DMD: variants seen among roughly 807,000 people sequenced by gnomAD.
DMD encodes the protein mutant dystrophin.
A neutral mutation model predicts 330.1 loss-of-function variants in DMD; 63 were observed. The ratio of observed to expected loss-of-function variants is 0.19; its 90% CI spans 0.16 to 0.24. The LOEUF (loss-of-function observed/expected upper bound fraction) is 0.24, where lower values mean the gene tolerates loss of function less well. DMD is among the 10% of genes least tolerant of loss of function. The pLI is 1.00. For synonymous variants in DMD, 1,223 were observed against 959.8 expected, an observed-to-expected ratio of 1.27 and a Z score of -5.07; for missense variants, 3,344 against 2,684.1, an observed-to-expected ratio of 1.25 and a Z score of -5.43.
intron 47 of DMD, among the ~76,000 whole-genome samples, chrX:31,905,604 A>C (rs2094468698): frequency 9.0e-6 from 1 of 110,740 alleles, no homozygotes; most frequent in African/African-American, 3.3e-5. Context: ...GAGAACAGAA[A>C]TTAAAAAAAA....
intron 1 of DMD, among the ~76,000 whole-genome samples, chrX:33,102,856 GA>G (rs1173741570): frequency 2.7e-5 from 3 of 112,188 alleles, no homozygotes; most frequent in Admixed American, 9.5e-5. Context: ...TCATTGGCAA[GA>G]AAAACTTACT....
rs202188032 is a variant in DMD at position 32,436,470 on chromosome X, T to C, written c.4071+1771A>G. Among the ~76,000 whole-genome samples, 5 of 111,710 alleles carry C rather than the reference T, an allele frequency of 4.5e-5. No individual in the cohort carries two copies. In the East Asian group the frequency reaches 1.4e-3, roughly 32 times the overall value. ...AGATAATACGTGTTGAATCAGGGTA[T>C]GTTGCTGAAATGAATTATTTTTTCT... is the stretch of plus-strand genomic sequence containing the variant. On this transcript the variant is annotated intron_variant, in intron 29 of 78. Coordinates refer to ENST00000357033, the MANE Select transcript of DMD (RefSeq NM_004006.3).
At chrX:32,487,089 G>A (rs1441800874) in intron 20 of DMD, among the ~76,000 whole-genome samples, 15 of 110,679 alleles carry the variant, frequency 1.4e-4, no homozygotes, top group Admixed American at 1.3e-3. Context: ...GAAAATTTTT[G>A]CAACCTACTC....
chrX:31,234,786 C>T (rs191944564), intron 63 of DMD, among the ~76,000 whole-genome samples: 28 of 111,762 alleles, frequency 2.5e-4, no homozygotes, highest in African/African-American at 7.8e-4. Flanking sequence ...AGATTTTATT[C>T]AGGAATATTG....
chrX:31,397,383 C>T (rs1279313951), intron 60 of DMD, among the ~76,000 whole-genome samples: 1 of 112,148 alleles, frequency 8.9e-6, no homozygotes, highest in African/African-American at 3.2e-5. Flanking sequence ...GACAACACAA[C>T]TGTCAGAGGA....
At chrX:32,613,935 A>G (rs1197737900) in intron 12 of DMD, among the ~76,000 whole-genome samples, 1 of 110,816 alleles carries the variant, frequency 9.0e-6, no homozygotes, top group Non-Finnish European at 1.9e-5. Flanking sequence ...AGATGTTAGC[A>G]TCTGGTGAGG....
intron 1 of DMD, among the ~76,000 whole-genome samples, chrX:33,235,925 T>A (rs183021198): frequency 0.041 from 4,293 of 104,990 alleles, 277 homozygotes; most frequent in African/African-American, 0.14. Flanking sequence ...TATTTTTTTT[T>A]TTTTTTATGA....
At chrX:31,848,285 C>G (rs757642338) in intron 48 of DMD, among the ~76,000 whole-genome samples, 28 of 111,554 alleles carry the variant, frequency 2.5e-4, no homozygotes, top group Admixed American at 2.5e-3. Context: ...TGCCAAACCT[C>G]TGATATCCAG....
chrX:31,452,788 A>G (rs2065856324), intron 59 of DMD, among the ~76,000 whole-genome samples: 1 of 112,265 alleles, frequency 8.9e-6, no homozygotes, highest in Non-Finnish European at 1.9e-5. Flanking sequence ...CCATATTAAC[A>G]GTGTCTATCT....
intron 29 of DMD, among the ~76,000 whole-genome samples, chrX:32,412,761 A>C (rs2098148564): frequency 9.0e-6 from 1 of 111,614 alleles, no homozygotes; most frequent in South Asian, 3.8e-4. Flanking sequence ...CTTAATATAC[A>C]ATGTAAAGGC....
At chrX:31,321,163 C>T (rs1163751260) in intron 62 of DMD, among the ~76,000 whole-genome samples, 1 of 111,629 alleles carries the variant, frequency 9.0e-6, no homozygotes, top group African/African-American at 3.3e-5. Context: ...AAGATATTAT[C>T]GAACAAAAGC....
intron 30 of DMD, among the ~76,000 whole-genome samples, chrX:32,400,589 A>G (rs908019222): frequency 9.0e-6 from 1 of 110,787 alleles, no homozygotes; most frequent in East Asian, 2.8e-4. Context: ...AATGCTCATC[A>G]TCACTGGCCA....
intron 62 of DMD, among the ~76,000 whole-genome samples, chrX:31,265,920 T>G (rs1313201666): frequency 1.8e-5 from 2 of 108,818 alleles, no homozygotes; most frequent in African/African-American, 6.8e-5. Flanking sequence ...TCGGATGGAT[T>G]TTTTTCATGA....
chrX:32,648,576 G>C (rs977220323), intron 9 of DMD, among the ~76,000 whole-genome samples: 14 of 111,613 alleles, frequency 1.3e-4, no homozygotes, highest in African/African-American at 4.2e-4. Context: ...TATGTTCTAA[G>C]GTGAGATTAA....
chrX:31,929,689 A>C lies in DMD; in HGVS notation c.6819T>G (p.Thr2273=). 8.3e-7 allele frequency: 1 copy of C among 1,211,696 alleles called. No individual in the cohort carries two copies. Among genetic ancestry groups the C allele is most frequent in the Non-Finnish European group, 1.1e-6 (1 of 895,451 alleles). The change falls in exon 47 of 79, where the codon ACT becomes ACG. Residue 2273 remains threonine (T), a synonymous_variant. Coordinates refer to ENST00000357033, the MANE Select transcript of DMD (RefSeq NM_004006.3). ...RQGILKQLNE[T]GGPVLVSAPI... is the part of the protein sequence containing the mutation. ...GAGCACTTACAAGCACGGGTCCTCC[A>C]GTTTCATTTAATTGTTTGAGAATTC...
chrX:31,976,634 C>T (rs1366908789), intron 44 of DMD, among the ~76,000 whole-genome samples: 3 of 110,943 alleles, frequency 2.7e-5, no homozygotes, highest in East Asian at 2.8e-4. Flanking sequence ...AATAGAATAT[C>T]GTTTTGATGA....
chrX:32,754,186 G>A (rs764370678), intron 7 of DMD, among the ~76,000 whole-genome samples: 7 of 95,928 alleles, frequency 7.3e-5, no homozygotes, highest in Admixed American at 1.1e-4. Context: ...TTACATGTAT[G>A]TAACTACATA....
At chrX:32,952,245 C>T (rs112271205) in intron 2 of DMD, among the ~76,000 whole-genome samples, 1 of 109,616 alleles carries the variant, frequency 9.1e-6, no homozygotes, top group Non-Finnish European at 1.9e-5. Context: ...GCGATTCTCC[C>T]GCCTCAGCTC....
intron 1 of DMD, among the ~76,000 whole-genome samples, chrX:33,233,590 A>T (rs1395021311): frequency 8.9e-6 from 1 of 112,622 alleles, no homozygotes; most frequent in African/African-American, 3.2e-5. Flanking sequence ...ATATTCTTGA[A>T]ATGACAAAAT....
Sources: allele counts gnomAD v4.1 joint callset (sites outside exome capture counted in the v4.1 genomes callset), GRCh38; gene constraint gnomAD v4.1.1; transcripts MANE v1.5; gene names NCBI Gene and HGNC (gene_info 2026-07-23, HGNC 2026-07-21).